The following ITGA9 variants were observed in gnomAD, a reference collection of about 807,000 sequenced individuals.
The protein encoded by ITGA9 is integrin subunit alpha 9.
A neutral mutation model predicts 127.8 loss-of-function variants in ITGA9; 56 were observed. The ratio of observed to expected loss-of-function variants is 0.44; its 90% CI spans 0.35 to 0.55. ITGA9 has a LOEUF of 0.55. Among genes scored for constraint, ITGA9 ranks in the 20% least tolerant of loss-of-function variants. The probability of loss-of-function intolerance (pLI) is 0.00; values close to 1 mark genes in which losing one functional copy is unlikely to be tolerated. For missense variants in ITGA9, 1,196 were observed against 1,347.1 expected, an observed-to-expected ratio of 0.89 and a Z score of 1.76; for synonymous variants, 508 against 514.5, an observed-to-expected ratio of 0.99 and a Z score of 0.17.
At chr3:37,725,148 G>A (rs1696167530) in intron 18 of ITGA9, among the ~76,000 whole-genome samples, 1 of 152,180 alleles carries the variant, frequency 6.6e-6, no homozygotes, top group Non-Finnish European at 1.5e-5. Flanking sequence ...TCTCTGCTCA[G>A]GGATCAACAG....
chr3:37,747,336 A>G (rs2125536045), intron 22 of ITGA9, among the ~76,000 whole-genome samples: 1 of 152,338 alleles, frequency 6.6e-6, no homozygotes, highest in African/African-American at 2.4e-5. Flanking sequence ...CATGCAGTGC[A>G]TAATAATCAT....
chr3:37,639,059 C>T lies in ITGA9; in HGVS notation c.1839+9723C>T, dbSNP rs114890485. On this transcript the variant is annotated intron_variant, in intron 16 of 27. Coordinates refer to ENST00000264741, the MANE Select transcript of ITGA9 (RefSeq NM_002207.3). ...ATTGGGATTCTGGGCGCTCTGGGGA[C>T]GGTGGAGCTTGAATGCTACAAGCCT... is the stretch of plus-strand genomic sequence containing the variant. Among the ~76,000 whole-genome samples, 301 of 152,164 alleles carry T rather than the reference C, an allele frequency of 2.0e-3. 3 individuals are homozygous for T. Among genetic ancestry groups the T allele is most frequent in the African/African-American group, 6.8e-3 (284 of 41,512 alleles).
chr3:37,557,178 T>C (rs1240619082), intron 15 of ITGA9, among the ~76,000 whole-genome samples: 1 of 152,186 alleles, frequency 6.6e-6, no homozygotes, highest in Admixed American at 6.5e-5. Context: ...GTTTTCCTTC[T>C]CCTTTTCTTG....
At chr3:37,683,783 C>T (rs934346971) in intron 17 of ITGA9, 82 bp from the exon 18 acceptor site, 5 of 1,444,796 alleles carry the variant, frequency 3.5e-6, no homozygotes, top group Non-Finnish European at 2.9e-6. Flanking sequence ...GTTTCTGCCC[C>T]CCACCTTCAA....
chr3:37,623,366 A>T (rs1225877775), intron 15 of ITGA9, among the ~76,000 whole-genome samples: 1 of 152,216 alleles, frequency 6.6e-6, no homozygotes. Context: ...TCACAGAGTC[A>T]TAAGACTTCC....
intron 23 of ITGA9, 64 bp from the exon 24 acceptor site, chr3:37,777,328 A>G: frequency 6.3e-7 from 1 of 1,587,878 alleles, no homozygotes; most frequent in South Asian, 1.1e-5. Context: ...CTACAATAAG[A>G]GGCTCCAGCA....
intron 15 of ITGA9, among the ~76,000 whole-genome samples, chr3:37,583,922 CACT>C (rs1444004019): frequency 6.6e-6 from 1 of 152,232 alleles, no homozygotes; most frequent in Non-Finnish European, 1.5e-5. Flanking sequence ...CCCTTCTGGA[CACT>C]ACTGACCTCT....
chr3:37,721,962 C>A (rs552132559), intron 18 of ITGA9, among the ~76,000 whole-genome samples: 3 of 152,314 alleles, frequency 2.0e-5, no homozygotes, highest in East Asian at 1.9e-4. Flanking sequence ...TGGTATGACT[C>A]CCCTGCTCAG....
At chr3:37,652,884 C>T (rs1042027650) in intron 16 of ITGA9, among the ~76,000 whole-genome samples, 8 of 152,188 alleles carry the variant, frequency 5.3e-5, no homozygotes, top group African/African-American at 1.9e-4. Context: ...GAGGTTGAGA[C>T]AGATTGAGGG....
chr3:37,746,901 A>G (rs898465311), intron 22 of ITGA9, among the ~76,000 whole-genome samples: 1 of 152,182 alleles, frequency 6.6e-6, no homozygotes, highest in African/African-American at 2.4e-5. Context: ...ATCTTCATAC[A>G]TCCTGTCATG....
chr3:37,678,988 CA>C (rs367558802), intron 17 of ITGA9, among the ~76,000 whole-genome samples: 1 of 151,368 alleles, frequency 6.6e-6, no homozygotes, highest in Non-Finnish European at 1.5e-5. Flanking sequence ...ATAACGCAGT[CA>C]AAAAAAAGCC....
chr3:37,677,542 A>G (rs1020203471), intron 17 of ITGA9, among the ~76,000 whole-genome samples: 1 of 152,244 alleles, frequency 6.6e-6, no homozygotes, highest in African/African-American at 2.4e-5. Context: ...AATGCTAAGG[A>G]AATAAACACA....
chr3:37,606,485 C>T (rs1699970007), intron 15 of ITGA9, among the ~76,000 whole-genome samples: 3 of 152,126 alleles, frequency 2.0e-5, no homozygotes, highest in Non-Finnish European at 4.4e-5. Context: ...TTGGACAGCA[C>T]AGCTGTAGAA....
rs1698727701 is a variant in ITGA9 at position 37,496,321 on chromosome 3, G to A, written c.612+1753G>A. Among the ~76,000 whole-genome samples the A allele has an allele frequency of 2.6e-5, 4 of 152,072 alleles. No homozygotes were observed. The South Asian group carries it at 8.3e-4, about 32-fold the overall frequency. On this transcript the variant is annotated intron_variant, in intron 5 of 27. Transcript: ENST00000264741. The stretch of plus-strand genomic sequence containing the variant: ...CTGGAGAATCATTTTTATGACAGTC[G>A]ACAGAGTTCTATGCCCTGGGAATGG...
At chr3:37,699,428 C>A (rs1158435744) in intron 18 of ITGA9, among the ~76,000 whole-genome samples, 3 of 152,184 alleles carry the variant, frequency 2.0e-5, no homozygotes, top group African/African-American at 7.2e-5. Flanking sequence ...CTCTCATACA[C>A]CACATCTATT....
intron 16 of ITGA9, among the ~76,000 whole-genome samples, chr3:37,639,639 T>C (rs1249871457): frequency 1.3e-5 from 2 of 152,008 alleles, no homozygotes; most frequent in Non-Finnish European, 2.9e-5. Context: ...CCATGGCATA[T>C]TTTGCAGTTT....
chr3:37,616,913 T>C (rs1276929245), intron 15 of ITGA9, among the ~76,000 whole-genome samples: 1 of 152,250 alleles, frequency 6.6e-6, no homozygotes, highest in Non-Finnish European at 1.5e-5. Flanking sequence ...CTTGACTCTT[T>C]ATCCAATTTG....
chr3:37,701,124 C>T (rs1284969001), intron 18 of ITGA9, among the ~76,000 whole-genome samples: 1 of 152,218 alleles, frequency 6.6e-6, no homozygotes, highest in Non-Finnish European at 1.5e-5. Flanking sequence ...TCATTCAAAG[C>T]CAGAATCTCT....
intron 23 of ITGA9, among the ~76,000 whole-genome samples, chr3:37,757,649 A>G (rs1475397022): frequency 1.3e-5 from 2 of 151,828 alleles, no homozygotes; most frequent in Non-Finnish European, 2.9e-5. Context: ...TGTCTCAAAA[A>G]AACAAAAACA....
Sources: gnomAD v4.1 joint callset for allele counts (sites outside exome capture counted in the v4.1 genomes callset) on GRCh38, gnomAD v4.1.1 for gene constraint, MANE v1.5 for transcripts, NCBI Gene and HGNC (gene_info 2026-07-23, HGNC 2026-07-21) for gene names.